Variants in ZBED5 observed in about 807,000 individuals in gnomAD.
ZBED5 encodes the protein zinc finger BED-type containing 5.
ZBED5 carries 29 observed loss-of-function variants against 49.2 expected under a neutral mutation model. That is an observed-to-expected ratio of 0.59 (90% CI 0.44 to 0.80). ZBED5 has a LOEUF of 0.80. Among genes scored for constraint, ZBED5 ranks in the 30% least tolerant of loss-of-function variants. The probability of loss-of-function intolerance (pLI) is 0.00; values close to 1 mark genes in which losing one functional copy is unlikely to be tolerated. For missense variants in ZBED5, 775 were observed against 812.9 expected, an observed-to-expected ratio of 0.95 and a Z score of 0.57; for synonymous variants, 281 against 292.5, an observed-to-expected ratio of 0.96 and a Z score of 0.40.
In ZBED5 at chr11:10,853,143, A is replaced by G; in HGVS notation, c.1803T>C (p.Asp601=). ...CACTAAAATTTTGCTTCACTTGAGA[A>G]TCAGATGTTAAATCAATCAGGCTCT... The part of the protein sequence containing the change: ...DYESLIDLTS[D]SQVKQNFSEL... The change falls in exon 3 of 3, where the codon GAT becomes GAC. Residue 601 remains aspartate (D), a synonymous_variant. Coordinates refer to ENST00000413761, the MANE Select transcript of ZBED5 (RefSeq NM_001143667.2). This position sits in a 1 kb window ranked among gnomAD's most constrained non-coding sequence, Gnocchi z 5.4. The G allele has an allele frequency of 1.3e-6, 2 of 1,551,726 alleles. No homozygotes were observed. The highest frequency in any genetic ancestry group is 1.7e-6 in the Non-Finnish European group (2 of 1,146,980).
Position 10,853,433 on chromosome 11 carries a change from T to C in ZBED5, c.1513A>G (p.Met505Val). 6.5e-7 allele frequency: 1 copy of C among 1,550,046 alleles called. No homozygotes were observed. Among genetic ancestry groups the C allele is most frequent in the South Asian group, 1.2e-5 (1 of 83,818 alleles). ...NVTVFTVFDK[M>V]SSLLRKLEFW... ...TCCAATTTTCTTAACAATGACGACA[T>C]TTTATCAAATACTGTAAAAACGGTC... is the stretch of plus-strand genomic sequence containing the variant. Residue 505 changes from methionine (M) to valine (V), a missense_variant, in exon 3 of 3, where the codon ATG (methionine) becomes GTG (valine). Transcript: ENST00000413761. The surrounding 1 kb of genome is among the most constrained non-coding windows in gnomAD (Gnocchi z 5.4).
Position 10,852,913 on chromosome 11 carries a change from T to C in ZBED5, c.2033A>G (p.Asn678Ser). The C allele has an allele frequency of 2.6e-6, 4 of 1,550,078 alleles. No homozygotes were observed. The highest frequency in any genetic ancestry group is 3.5e-6 in the Non-Finnish European group (4 of 1,145,614). Residue 678 changes from asparagine (N) to serine (S), a missense_variant, in exon 3 of 3, where the codon AAT (asparagine) becomes AGT (serine). Transcript: ENST00000413761. The part of the protein sequence containing the change: ...MRIRLSNITP[N>S]IKRICDKKTQ... ...CTTTTTATCACATATCCGCTTAATA[T>C]TAGGTGTAATATTGCTAAGTCGGAT...
rs952662475 is a variant in ZBED5 at position 10,853,269 on chromosome 11, A to G, written c.1677T>C (p.Thr559=). 6.4e-7 allele frequency: 1 copy of G among 1,551,532 alleles called. No homozygotes were observed. Among genetic ancestry groups the G allele is most frequent in the Non-Finnish European group, 8.7e-7 (1 of 1,146,938 alleles). ...IVQHLRGLRA[T]LLKYFPVTND... ...TTGTTACAGGAAAGTATTTTAACAG[A>G]GTAGCGCGCAAACCCCTTAGGTGCT... Residue 559 remains threonine, a synonymous_variant, in exon 3 of 3, where the codon ACT becomes ACC. Coordinates refer to ENST00000413761, the MANE Select transcript of ZBED5 (RefSeq NM_001143667.2). The surrounding 1 kb of genome is among the most constrained non-coding windows in gnomAD (Gnocchi z 5.4).
intron 1 of ZBED5, among the ~76,000 whole-genome samples, chr11:10,856,534 G>C (rs115285349): frequency 0.011 from 1,723 of 152,228 alleles, 35 homozygotes; most frequent in African/African-American, 0.04. Context: ...TCTAGAACTT[G>C]AAACTAAGCC....
chr11:10,852,959 C>G lies in ZBED5; in HGVS notation c.1987G>C (p.Asp663His). The G allele has an allele frequency of 1.3e-6, 2 of 1,551,618 alleles. No individual in the cohort carries two copies. The highest frequency in any genetic ancestry group is 1.7e-6 in the Non-Finnish European group (2 of 1,146,952). Residue 663 changes from aspartate to histidine, a missense_variant, in exon 3 of 3, where the codon GAT becomes CAT. Physicochemically the swap from Asp to His is moderately conservative, Grantham distance 81 (BLOSUM62 -1). Coordinates refer to ENST00000413761, the MANE Select transcript of ZBED5 (RefSeq NM_001143667.2). Reference protein sequence around the residue: ...ATKTKYRKRLDAAPHMRIRLS... With the variant: ...ATKTKYRKRLHAAPHMRIRLS... The stretch of plus-strand genomic sequence containing the variant: ...CGGATTCGCATATGAGGTGCAGCAT[C>G]AAGTCTTTTCCTATATTTTGTTTTT...
In ZBED5 at chr11:10,855,736, T is replaced by C. The variant is rs760492509; in HGVS notation, c.-142+408A>G. 3.9e-5 allele frequency: 6 copies of C among 152,220 alleles called. No homozygotes were observed. Among genetic ancestry groups the C allele is most frequent in the Non-Finnish European group, 8.8e-5 (6 of 68,034 alleles). 9.4% of individuals were successfully genotyped at this position (152,220 alleles called of 1,614,324 possible). On this transcript the variant is annotated intron_variant, in intron 2 of 2. Transcript: ENST00000413761. The surrounding 1 kb of genome is among the most constrained non-coding windows in gnomAD (Gnocchi z 4.1). ...TTATGCGTTAACAATGAAGAATAAATTGTATATCAAAAGTTAGGTACTGTT... is the reference window on the plus strand; with the variant it reads ...TTATGCGTTAACAATGAAGAATAAACTGTATATCAAAAGTTAGGTACTGTT...
In ZBED5 at chr11:10,853,629, T is replaced by C. The variant is rs771651773; in HGVS notation, c.1317A>G (p.Lys439=). The C allele has an allele frequency of 7.7e-6, 12 of 1,551,608 alleles. No homozygotes were observed. The highest frequency in any genetic ancestry group is 7.8e-6 in the Non-Finnish European group (9 of 1,146,934). The change falls in exon 3 of 3, where the codon AAA becomes AAG. Residue 439 remains lysine, a synonymous_variant. Coordinates refer to ENST00000413761, the MANE Select transcript of ZBED5 (RefSeq NM_001143667.2). The surrounding 1 kb of genome is among the most constrained non-coding windows in gnomAD (Gnocchi z 5.4). The stretch of plus-strand genomic sequence containing the variant: ...GAAGTTCAAAAAGTCTTACAAGAAC[T>C]TTACCTCGAGAAAGCCACCTCACCT... ...NTEVRWLSRG[K]VLVRLFELRR...
intron 1 of ZBED5, among the ~76,000 whole-genome samples, chr11:10,856,519 C>T (rs1041605167): frequency 2.0e-5 from 3 of 152,198 alleles, no homozygotes; most frequent in Admixed American, 2.0e-4. Context: ...ACCACCACCA[C>T]ACTTTCTAGA....
At position 10,854,610 on chromosome 11, in the gene ZBED5, TTCA is replaced by T. The variant is rs1283595667; in HGVS notation, c.333_335del (p.Asp111del). The stretch of plus-strand genomic sequence containing the variant: ...AAGTAAATCCAAAAGACAAATAACT[TTCA>T]TCATATTTTCTTCTTTTTGGTTTTT... On this transcript the variant is annotated inframe_deletion, in exon 3 of 3. Transcript: ENST00000413761. This position sits in a 1 kb window ranked among gnomAD's most constrained non-coding sequence, Gnocchi z 5.0. The T allele has an allele frequency of 1.9e-6, 3 of 1,550,962 alleles. No individual in the cohort carries two copies. Among genetic ancestry groups the T allele is most frequent in the Non-Finnish European group, 2.6e-6 (3 of 1,146,714 alleles).
rs1178445519 is a variant in ZBED5 at position 10,857,060 on chromosome 11, G to A, written c.-256+802C>T. 6.6e-6 allele frequency among the ~76,000 whole-genome samples: 1 copy of A among 152,130 alleles called. No homozygotes were observed. Among genetic ancestry groups the A allele is most frequent in the African/African-American group, 2.4e-5 (1 of 41,432 alleles). On this transcript the variant is annotated intron_variant, in intron 1 of 2. Coordinates refer to ENST00000413761, the MANE Select transcript of ZBED5 (RefSeq NM_001143667.2). The surrounding 1 kb of genome is among the most constrained non-coding windows in gnomAD (Gnocchi z 6.3). ...AGCATAAAGCCCTGCTTCTTATTGGGAGCAAAAAAGCAGATTCTCCTTCCA... is the reference window on the plus strand; with the variant it reads ...AGCATAAAGCCCTGCTTCTTATTGGAAGCAAAAAAGCAGATTCTCCTTCCA...
Sources: gnomAD v4.1 joint callset for allele counts (sites outside exome capture counted in the v4.1 genomes callset) on GRCh38, gnomAD v4.1.1 for gene constraint, Gnocchi (gnomAD v3.1) non-coding constraint, MANE v1.5 for transcripts, NCBI Gene and HGNC (gene_info 2026-07-23, HGNC 2026-07-21) for gene names.